The following PTPRD variants were observed in gnomAD, a reference collection of about 807,000 sequenced individuals.
PTPRD encodes receptor-type tyrosine-protein phosphatase delta.
PTPRD carries 34 observed loss-of-function variants against 214.5 expected under a neutral mutation model. That is an observed-to-expected ratio of 0.16 (90% CI 0.12 to 0.21). The LOEUF (loss-of-function observed/expected upper bound fraction) is 0.21. PTPRD is among the 10% of genes least tolerant of loss of function. The probability of loss-of-function intolerance (pLI) is 1.00; values close to 1 mark genes in which losing one functional copy is unlikely to be tolerated. For missense variants in PTPRD, 2,545 were observed against 2,398.7 expected, an observed-to-expected ratio of 1.06 and a Z score of -1.27; for synonymous variants, 1,128 against 845.7, an observed-to-expected ratio of 1.33 and a Z score of -5.79.
chr9:10,277,598 A>G (rs543920127), intron 3 of PTPRD, among the ~76,000 whole-genome samples: 4 of 150,808 alleles, frequency 2.7e-5, no homozygotes, highest in African/African-American at 9.7e-5. Flanking sequence ...ATACTGGCTA[A>G]TGTCATGATT....
chr9:9,262,054 T>C (rs544878611), intron 9 of PTPRD, among the ~76,000 whole-genome samples: 2 of 151,798 alleles, frequency 1.3e-5, no homozygotes, highest in South Asian at 4.2e-4. Context: ...TTCCTTTATA[T>C]GAGGAAAAGG....
chr9:10,004,930 T>C (rs1233267102), intron 4 of PTPRD, among the ~76,000 whole-genome samples: 1 of 152,160 alleles, frequency 6.6e-6, no homozygotes, highest in African/African-American at 2.4e-5. Context: ...TGGTGTTTTC[T>C]AGCAGAGGGT....
chr9:9,017,812 G>A (rs1203033743), intron 11 of PTPRD, among the ~76,000 whole-genome samples: 2 of 152,034 alleles, frequency 1.3e-5, no homozygotes, highest in Non-Finnish European at 2.9e-5. Context: ...TACGTAAATT[G>A]TCAAATAAGT....
At chr9:8,787,537 T>TA (rs1203721688) in intron 11 of PTPRD, among the ~76,000 whole-genome samples, 8 of 152,116 alleles carry the variant, frequency 5.3e-5, no homozygotes, top group South Asian at 2.1e-4. Context: ...CTATATTGGT[T>TA]AAAAAAAAGA....
At chr9:10,035,479 T>C (rs972022338) in intron 3 of PTPRD, among the ~76,000 whole-genome samples, 1 of 152,196 alleles carries the variant, frequency 6.6e-6, no homozygotes, top group African/African-American at 2.4e-5. Context: ...GCAATTGCTT[T>C]TGGCATCTTC....
intron 11 of PTPRD, among the ~76,000 whole-genome samples, chr9:8,988,620 T>G (rs373226484): frequency 7.1e-4 from 108 of 152,280 alleles, no homozygotes; most frequent in African/African-American, 2.3e-3. Context: ...TCTCTTCTAT[T>G]AATTTACATA....
intron 10 of PTPRD, among the ~76,000 whole-genome samples, chr9:9,172,273 T>A (rs1457871805): frequency 2.0e-5 from 3 of 152,206 alleles, no homozygotes; most frequent in African/African-American, 7.2e-5. Context: ...ATATAGCCTT[T>A]GAATCAATTT....
intron 9 of PTPRD, among the ~76,000 whole-genome samples, chr9:9,264,869 A>AGTGGAATGACGTATTC (rs1938406716): frequency 6.6e-6 from 1 of 150,384 alleles, no homozygotes; most frequent in Non-Finnish European, 1.5e-5. Flanking sequence ...GCCAGGAGAA[A>AGTGGAATGACGTATTC]GTGGAATGAC....
At chr9:10,321,828 A>G (rs1189461005) in intron 3 of PTPRD, among the ~76,000 whole-genome samples, 6 of 152,058 alleles carry the variant, frequency 3.9e-5, no homozygotes, top group East Asian at 1.9e-4. Flanking sequence ...CAAAAACATT[A>G]CTGAATATCA....
At chr9:9,817,062 C>A (rs2049008958) in intron 5 of PTPRD, among the ~76,000 whole-genome samples, 1 of 152,066 alleles carries the variant, frequency 6.6e-6, no homozygotes, top group Non-Finnish European at 1.5e-5. Context: ...AAAAAATTAT[C>A]ACTATCAAAT....
At chr9:8,994,895 A>C (rs982940442) in intron 11 of PTPRD, among the ~76,000 whole-genome samples, 2 of 152,062 alleles carry the variant, frequency 1.3e-5, no homozygotes, top group African/African-American at 4.8e-5. Flanking sequence ...GCTCAAAATT[A>C]AGCTAAAGGG....
chr9:8,759,445 A>C (rs1488852559), intron 11 of PTPRD, among the ~76,000 whole-genome samples: 1 of 151,816 alleles, frequency 6.6e-6, no homozygotes, highest in South Asian at 2.1e-4. Flanking sequence ...TCTTGTTTTC[A>C]TCTCTCTCAT....
At position 8,812,434 on chromosome 9, in the gene PTPRD, T is replaced by C. The variant is rs151243934; in HGVS notation, c.-103-78488A>G. On this transcript the variant is annotated intron_variant, in intron 11 of 45. Coordinates refer to ENST00000381196, the MANE Select transcript of PTPRD (RefSeq NM_002839.4). ...ATGTATCTGCTAATTAAGAATCCCCTGCTTTGGTAAACTTATATCCATCAA... is the reference window on the plus strand; with the variant it reads ...ATGTATCTGCTAATTAAGAATCCCCCGCTTTGGTAAACTTATATCCATCAA... Among the ~76,000 whole-genome samples the C allele has an allele frequency of 5.7e-3, 861 of 152,328 alleles. 9 individuals are homozygous for C. Among genetic ancestry groups the C allele is most frequent in the African/African-American group, 0.02 (825 of 41,570 alleles).
chr9:10,011,575 C>T (rs569865147), intron 4 of PTPRD, among the ~76,000 whole-genome samples: 1 of 152,024 alleles, frequency 6.6e-6, no homozygotes, highest in East Asian at 1.9e-4. Context: ...GCCTTCCCTG[C>T]TGATAAATAC....
intron 9 of PTPRD, among the ~76,000 whole-genome samples, chr9:9,241,359 A>G (rs2099970262): frequency 6.6e-6 from 1 of 152,158 alleles, no homozygotes; most frequent in African/African-American, 2.4e-5. Context: ...TTTTATGGCA[A>G]TGTAGTTATT....
chr9:8,433,268 C>G (rs2095176415), intron 35 of PTPRD, among the ~76,000 whole-genome samples: 1 of 152,182 alleles, frequency 6.6e-6, no homozygotes, highest in African/African-American at 2.4e-5. Flanking sequence ...TAAACTTATT[C>G]TGCTACCAGT....
chr9:9,426,502 G>C (rs2080982702), intron 8 of PTPRD, among the ~76,000 whole-genome samples: 1 of 152,140 alleles, frequency 6.6e-6, no homozygotes, highest in African/African-American at 2.4e-5. Context: ...CTGAACAAAA[G>C]GAGCAGAAAC....
intron 4 of PTPRD, among the ~76,000 whole-genome samples, chr9:9,969,965 C>G (rs7860594): frequency 0.042 from 6,418 of 152,176 alleles, 169 homozygotes; most frequent in Non-Finnish European, 0.065. Context: ...CTGTCCACTC[C>G]TTTATGATTC....
intron 3 of PTPRD, among the ~76,000 whole-genome samples, chr9:10,273,783 T>C (rs1314241447): frequency 6.6e-6 from 1 of 152,160 alleles, no homozygotes; most frequent in Non-Finnish European, 1.5e-5. Flanking sequence ...ACTATGGTTA[T>C]CAGGTAGTAG....
Sources: gnomAD v4.1 joint callset for allele counts (sites outside exome capture counted in the v4.1 genomes callset) on GRCh38, gnomAD v4.1.1 for gene constraint, MANE v1.5 for transcripts, NCBI Gene and HGNC (gene_info 2026-07-23, HGNC 2026-07-21) for gene names.